PLXNA2: variants seen among roughly 807,000 people sequenced by gnomAD.
The protein encoded by PLXNA2 is plexin A2.
PLXNA2 carries 91 observed loss-of-function variants against 193.5 expected under a neutral mutation model. The ratio of observed to expected loss-of-function variants is 0.47; its 90% CI spans 0.40 to 0.56. PLXNA2 has a LOEUF of 0.56. PLXNA2 is among the 20% of genes least tolerant of loss of function. The pLI, the probability that PLXNA2 is intolerant of heterozygous loss-of-function variation, is 0.00. For synonymous variants in PLXNA2, 997 were observed against 1,027.3 expected (o/e 0.97, Z 0.56); for missense variants, 1,995 against 2,503.2 (o/e 0.80, Z 4.33).
At chr1:208,060,535 G>T in intron 13 of PLXNA2, 151 bp downstream of exon 13, 1 of 674,716 alleles carries the variant, frequency 1.5e-6, no homozygotes, top group Non-Finnish European at 2.4e-6. Flanking sequence ...TGAGGGAGGA[G>T]GGGGCCCTGG....
chr1:208,031,629 A>T lies in PLXNA2; in HGVS notation c.5186T>A (p.Ile1729Asn). Residue 1729 changes from isoleucine to asparagine, a missense_variant, in exon 29 of 32, where the codon ATC becomes AAC. Around this residue, in one of 3 missense-constraint regions of PLXNA2, gnomAD observed 1,291 missense variants for 1,673.6 expected, o/e 0.77. Transcript: ENST00000367033. ...FLDEQADRHS[I>N]HDTDVRHTWK... ...GGTGTGCCGCACATCTGTGTCATGGATGCTGTGCCTGTCTGCCTGCTCATC... is the reference window on the plus strand; with the variant it reads ...GGTGTGCCGCACATCTGTGTCATGGTTGCTGTGCCTGTCTGCCTGCTCATC... 1 of 1,613,780 alleles carries T rather than the reference A, an allele frequency of 6.2e-7. No individual in the cohort carries two copies. The highest frequency in any genetic ancestry group is 8.5e-7 in the Non-Finnish European group (1 of 1,179,962).
At chr1:208,074,168 C>G (rs1034070093) in intron 12 of PLXNA2, among the ~76,000 whole-genome samples, 4 of 152,314 alleles carry the variant, frequency 2.6e-5, no homozygotes, top group African/African-American at 7.2e-5. Context: ...ATCCTGCCTA[C>G]TCATGGCCCC....
At chr1:208,198,009 A>T (rs899762061) in intron 3 of PLXNA2, among the ~76,000 whole-genome samples, 1 of 152,184 alleles carries the variant, frequency 6.6e-6, no homozygotes, top group Non-Finnish European at 1.5e-5. Context: ...GCCATTTTCT[A>T]TCAAGAAAAA....
rs762797358 is a variant in PLXNA2, at chr1:208,034,611, G to A, written c.4765-19C>T. On this transcript the variant is annotated intron_variant, in intron 26 of 31. Coordinates refer to ENST00000367033, the MANE Select transcript of PLXNA2 (RefSeq NM_025179.4). ...CTGACACCTGAGAAGGGTACAAAAG[G>A]TACAGTACAAAAGGTGAATGTAGGT... is the stretch of plus-strand genomic sequence containing the variant. 6.6e-7 allele frequency: 1 copy of A among 1,511,312 alleles called. No individual in the cohort carries two copies. The highest frequency in any genetic ancestry group is 9.2e-7 in the Non-Finnish European group (1 of 1,086,186). The allele number at this position is 1,511,312 out of a possible 1,614,324, so 93.6% of individuals were successfully genotyped here.
intron 10 of PLXNA2, among the ~76,000 whole-genome samples, 189 bp downstream of exon 10, chr1:208,084,191 C>G (rs976481090): frequency 2.6e-5 from 4 of 152,268 alleles, no homozygotes; most frequent in Admixed American, 6.5e-5. Context: ...ACTGTCTCCT[C>G]TGGCACCAGT....
intron 8 of PLXNA2, 66 bp from the exon 9 acceptor site, chr1:208,092,966 G>T: frequency 8.9e-7 from 1 of 1,122,244 alleles, no homozygotes; most frequent in South Asian, 1.3e-5. Flanking sequence ...CATGTGTCAT[G>T]ATAGAAGTCT....
chr1:208,062,458 C>T (rs886238931), intron 12 of PLXNA2, among the ~76,000 whole-genome samples: 2 of 152,204 alleles, frequency 1.3e-5, no homozygotes, highest in African/African-American at 2.4e-5. Flanking sequence ...TTCAGACTCC[C>T]GGTCTCTCGG....
In PLXNA2 at chr1:208,096,090, C is replaced by G; in HGVS notation, c.1921G>C (p.Glu641Gln). ...GTGCTGACAAATATCTTCCCTGTCTCCTTGGACCTCAGCTGTAGCTCCAGC... is the reference window on the plus strand; with the variant it reads ...GTGCTGACAAATATCTTCCCTGTCTGCTTGGACCTCAGCTGTAGCTCCAGC... ...FGLELQLRSK[E>Q]TGKIFVSTEF... The change falls in exon 8 of 32, where the codon GAG becomes CAG. Residue 641 changes from glutamate (E) to glutamine (Q), a missense_variant. By Grantham distance (29) the Glu-to-Gln change is conservative. This residue lies in a region of PLXNA2 where 1,291 missense variants were observed against 1,673.6 expected (regional missense o/e 0.77). Coordinates refer to ENST00000367033, the MANE Select transcript of PLXNA2 (RefSeq NM_025179.4). 6.2e-7 allele frequency: 1 copy of G among 1,614,158 alleles called. No individual in the cohort carries two copies. Among genetic ancestry groups the G allele is most frequent in the Non-Finnish European group, 8.5e-7 (1 of 1,180,008 alleles).
intron 12 of PLXNA2, among the ~76,000 whole-genome samples, chr1:208,063,289 C>T (rs557480112): frequency 2.0e-5 from 3 of 152,298 alleles, no homozygotes; most frequent in Non-Finnish European, 4.4e-5. Context: ...GCAGGTTCCA[C>T]GGGGTAGCTT....
In PLXNA2 at chr1:208,038,539, C is replaced by A. The variant is rs908256096; in HGVS notation, c.4661-65G>T. 8.4e-6 allele frequency: 11 copies of A among 1,312,716 alleles called. No individual in the cohort carries two copies. Among genetic ancestry groups the A allele is most frequent in the Non-Finnish European group, 1.2e-5 (11 of 906,592 alleles). 81.3% of individuals were successfully genotyped at this position (1,312,716 alleles called of 1,614,324 possible). A position where few individuals can be genotyped will look rare whatever the true frequency, so the allele number is the denominator to read the frequency against. On this transcript the variant is annotated intron_variant, in intron 25 of 31. Transcript: ENST00000367033. The surrounding 1 kb of genome is among the most constrained non-coding windows in gnomAD (Gnocchi z 4.1). ...ATGAGGGCTGTGAGCCAGTGTCTCCCGATTGCACCTTCTCTAGGGACCTGG... is the reference window on the plus strand; with the variant it reads ...ATGAGGGCTGTGAGCCAGTGTCTCCAGATTGCACCTTCTCTAGGGACCTGG...
intron 26 of PLXNA2, 64 bp from the exon 27 acceptor site, chr1:208,034,656 T>A: frequency 1.0e-6 from 1 of 996,110 alleles, no homozygotes; most frequent in Non-Finnish European, 1.6e-6. Flanking sequence ...AGTTGGATAG[T>A]CAAGTATTTC....
At chr1:208,102,458 A>G (rs1667127382) in intron 5 of PLXNA2, among the ~76,000 whole-genome samples, 1 of 152,216 alleles carries the variant, frequency 6.6e-6, no homozygotes, top group African/African-American at 2.4e-5. Flanking sequence ...ATTTATATTG[A>G]GTTGGTATTC....
intron 3 of PLXNA2, among the ~76,000 whole-genome samples, chr1:208,176,115 G>A (rs1262055197): frequency 1.3e-5 from 2 of 152,178 alleles, no homozygotes; most frequent in East Asian, 1.9e-4. Context: ...GTAAGGAATT[G>A]TTGCCACTTC....
intron 3 of PLXNA2, among the ~76,000 whole-genome samples, chr1:208,162,337 GGAGA>G (rs1478316353): frequency 3.3e-5 from 5 of 152,256 alleles, no homozygotes; most frequent in Non-Finnish European, 7.3e-5. Context: ...TATTGGAGCA[GGAGA>G]GATGTGAGCT....
intron 2 of PLXNA2, among the ~76,000 whole-genome samples, chr1:208,213,292 A>G (rs950034570): frequency 7.9e-5 from 12 of 152,316 alleles, no homozygotes; most frequent in African/African-American, 1.2e-4. Context: ...CTTTTGCTCA[A>G]ATGGTGAGAG....
chr1:208,199,689 CA>C (rs11286790), intron 3 of PLXNA2, among the ~76,000 whole-genome samples: 101,087 of 140,602 alleles, frequency 0.72, 35,442 homozygotes, highest in East Asian at 0.87. Flanking sequence ...GACTCTGTCT[CA>C]AAAAAAAAAA....
chr1:208,060,792 T>C lies in PLXNA2; in HGVS notation c.2632A>G (p.Ile878Val), dbSNP rs1558170967. 3 of 1,613,884 alleles carry C rather than the reference T, an allele frequency of 1.9e-6. No individual in the cohort carries two copies. The highest frequency in any genetic ancestry group is 2.2e-5 in the East Asian group (1 of 44,846). The change falls in exon 13 of 32, where the codon ATC becomes GTC. Residue 878 changes from isoleucine (I) to valine (V), a missense_variant. Transcript: ENST00000367033. ...GPPEGGTRVT[I>V]HGVNLGLDFS... is the part of the protein sequence containing the mutation. ...TCCAGACCCAGGTTCACGCCATGGA[T>C]GGTCACTCGCGTCCCTCCTTCCGGC...
chr1:208,128,024 CT>C (rs1453317723), intron 4 of PLXNA2, among the ~76,000 whole-genome samples: 2 of 152,164 alleles, frequency 1.3e-5, no homozygotes, highest in African/African-American at 2.4e-5. Context: ...GGAACCCACA[CT>C]GGCTGATGGA....
intron 4 of PLXNA2, among the ~76,000 whole-genome samples, chr1:208,110,448 G>C (rs1667427121): frequency 6.6e-6 from 1 of 152,212 alleles, no homozygotes; most frequent in Non-Finnish European, 1.5e-5. Context: ...ACAGCTGGCA[G>C]GCTCCTGGCT....
Sources: allele counts gnomAD v4.1 joint callset (sites outside exome capture counted in the v4.1 genomes callset), GRCh38; gene constraint gnomAD v4.1.1; regional missense constraint gnomAD v4.1.1; non-coding constraint Gnocchi (gnomAD v3.1); transcripts MANE v1.5; gene names NCBI Gene and HGNC (gene_info 2026-07-23, HGNC 2026-07-21).